Variants in PCDH9 observed in about 807,000 individuals in gnomAD.
PCDH9 encodes the protein protocadherin-9.
A neutral mutation model predicts 70.6 loss-of-function variants in PCDH9; 24 were observed. That is an observed-to-expected ratio of 0.34 (90% confidence interval 0.25 to 0.48). The LOEUF is 0.48. Among genes scored for constraint, PCDH9 ranks in the 20% least tolerant of loss-of-function variants. PCDH9 has a pLI of 0.99. For missense variants in PCDH9, 1,281 were observed against 1,503.6 expected (o/e 0.85, Z 2.45); for synonymous variants, 562 against 558.5 (o/e 1.01, Z -0.09).
At chr13:67,085,532 T>C (rs1452081379) in intron 2 of PCDH9, among the ~76,000 whole-genome samples, 2 of 152,200 alleles carry the variant, frequency 1.3e-5, no homozygotes, top group Non-Finnish European at 2.9e-5. Context: ...ATTGGAAATT[T>C]AATTTTGTCA....
chr13:67,227,034 G>A lies in PCDH9; in HGVS notation c.1407C>T (p.Phe469=), dbSNP rs147398044. The change falls in exon 2 of 5, where the codon TTC becomes TTT. Residue 469 remains phenylalanine, a synonymous_variant. Coordinates refer to ENST00000377865, the MANE Select transcript of PCDH9 (RefSeq NM_203487.3). This position sits in a 1 kb window ranked among gnomAD's most constrained non-coding sequence, Gnocchi z 4.6. ...CTGACAGCTCAATTACAGGCTGGTT[G>A]AAAATTGGTGGGTTGTCATTTTCAT... ...LEDENDNPPI[F]NQPVIELSVS... The A allele has an allele frequency of 1.8e-5, 29 of 1,614,174 alleles. No homozygotes were observed. In the East Asian group the frequency reaches 3.8e-4, roughly 21 times the overall value.
intron 3 of PCDH9, among the ~76,000 whole-genome samples, chr13:66,673,676 A>C (rs564500320): frequency 5.3e-4 from 81 of 152,266 alleles, no homozygotes; most frequent in Non-Finnish European, 1.0e-3. Flanking sequence ...ATGAAACAAT[A>C]CATTTTTGTG....
chr13:66,606,423 T>A (rs2077223448), intron 4 of PCDH9, among the ~76,000 whole-genome samples: 1 of 152,076 alleles, frequency 6.6e-6, no homozygotes, highest in South Asian at 2.1e-4. Flanking sequence ...TAACAATAAG[T>A]GCTTTGGAAA....
At chr13:66,597,891 A>G (rs919794263) in intron 4 of PCDH9, among the ~76,000 whole-genome samples, 9 of 151,736 alleles carry the variant, frequency 5.9e-5, no homozygotes, top group Admixed American at 1.3e-4. Context: ...TAACAAATTT[A>G]AAAAATGGGA....
At chr13:66,656,579 T>C (rs1269779858) in intron 3 of PCDH9, among the ~76,000 whole-genome samples, 4 of 150,530 alleles carry the variant, frequency 2.7e-5, no homozygotes, top group African/African-American at 9.8e-5. Context: ...CTAGGCATGT[T>C]GCACATATTT....
chr13:66,624,332 T>G (rs1209753925), intron 4 of PCDH9, among the ~76,000 whole-genome samples: 1 of 152,238 alleles, frequency 6.6e-6, no homozygotes, highest in East Asian at 1.9e-4. Context: ...GTTAACTTCT[T>G]AAGTAAATAT....
At chr13:66,947,178 T>C (rs2083101869) in intron 2 of PCDH9, among the ~76,000 whole-genome samples, 2 of 152,158 alleles carry the variant, frequency 1.3e-5, no homozygotes, top group South Asian at 2.1e-4. Context: ...GACAATTCTT[T>C]GAAATTTTTC....
At position 66,696,559 on chromosome 13, in the gene PCDH9, C is replaced by T. The variant is rs538471154; in HGVS notation, c.3139-65148G>A. On this transcript the variant is annotated intron_variant, in intron 3 of 4. Transcript: ENST00000377865. ...TACATGATATATCTCAGTTTATGTC[C>T]ACACAAACCATCACTCTTGCTGGGT... Among the ~76,000 whole-genome samples, 6 of 152,204 alleles carry T rather than the reference C, an allele frequency of 3.9e-5. No individual in the cohort carries two copies. The East Asian group carries it at 1.2e-3, about 29-fold the overall frequency.
intron 4 of PCDH9, among the ~76,000 whole-genome samples, chr13:66,345,360 C>A (rs1429110336): frequency 1.3e-5 from 2 of 152,122 alleles, no homozygotes; most frequent in African/African-American, 4.8e-5. Context: ...CAGCACTGAG[C>A]TATAATGAGG....
intron 3 of PCDH9, among the ~76,000 whole-genome samples, chr13:66,885,678 T>A (rs1403757763): frequency 6.6e-6 from 1 of 152,142 alleles, no homozygotes; most frequent in South Asian, 2.1e-4. Context: ...TTTAGTTTAA[T>A]AAAGGCCTTT....
At chr13:67,156,380 G>C (rs2087813376) in intron 2 of PCDH9, among the ~76,000 whole-genome samples, 1 of 152,104 alleles carries the variant, frequency 6.6e-6, no homozygotes, top group Non-Finnish European at 1.5e-5. Context: ...ATCAATGAAA[G>C]AAGGCACAAG....
At chr13:66,696,197 T>A (rs927693207) in intron 3 of PCDH9, among the ~76,000 whole-genome samples, 10 of 152,136 alleles carry the variant, frequency 6.6e-5, no homozygotes, top group Admixed American at 1.3e-4. Flanking sequence ...ATGAATTTTT[T>A]AAAAAATCAC....
At chr13:66,980,718 G>GTTTT (rs1053928621) in intron 2 of PCDH9, among the ~76,000 whole-genome samples, 3 of 32,344 alleles carry the variant, frequency 9.3e-5, no homozygotes, top group African/African-American at 2.5e-4. Flanking sequence ...GTTTTTTCCT[G>GTTTT]TTTTTTTCTT....
chr13:66,429,428 C>G (rs1336746049), intron 4 of PCDH9, among the ~76,000 whole-genome samples: 17 of 12,702 alleles, frequency 1.3e-3, no homozygotes, highest in Admixed American at 2.7e-3. Flanking sequence ...GTTATTTTTT[C>G]TGTTTTTTTT....
At chr13:67,225,333 A>T (rs1298499629) in intron 2 of PCDH9, 72 bp downstream of exon 2, 1 of 1,478,858 alleles carries the variant, frequency 6.8e-7, no homozygotes, top group Non-Finnish European at 9.4e-7. Flanking sequence ...CAATAGACAT[A>T]CTGGCACGTT....
At chr13:67,199,689 A>G (rs990132311) in intron 2 of PCDH9, among the ~76,000 whole-genome samples, 26 of 152,100 alleles carry the variant, frequency 1.7e-4, no homozygotes, top group Non-Finnish European at 3.4e-4. Context: ...AGAAAATATT[A>G]TTTGAAATCA....
chr13:66,786,300 C>T (rs1308899439), intron 3 of PCDH9, among the ~76,000 whole-genome samples: 1 of 152,164 alleles, frequency 6.6e-6, no homozygotes, highest in Admixed American at 6.6e-5. Flanking sequence ...AGCCATGTGG[C>T]ATTGCCCTGA....
intron 3 of PCDH9, among the ~76,000 whole-genome samples, chr13:66,642,069 G>A (rs1260536166): frequency 2.0e-5 from 3 of 151,972 alleles, no homozygotes; most frequent in African/African-American, 7.2e-5. Flanking sequence ...TAGATAAAAT[G>A]TATATATACA....
intron 2 of PCDH9, chr13:67,211,324 T>C (rs776881801): frequency 6.6e-6 from 1 of 152,042 alleles, no homozygotes; most frequent in Non-Finnish European, 1.5e-5. Context: ...AAGATCCTTT[T>C]AGATTTAGGC....
Sources: allele counts gnomAD v4.1 joint callset (sites outside exome capture counted in the v4.1 genomes callset), GRCh38; gene constraint gnomAD v4.1.1; non-coding constraint Gnocchi (gnomAD v3.1); transcripts MANE v1.5; gene names NCBI Gene and HGNC (gene_info 2026-07-23, HGNC 2026-07-21).